Variants in SRRM4 observed in about 807,000 individuals in gnomAD.
SRRM4 encodes the protein serine/arginine repetitive matrix 4.
A neutral mutation model predicts 68.9 loss-of-function variants in SRRM4; 33 were observed. That is an observed-to-expected ratio of 0.48 (90% CI 0.36 to 0.64). SRRM4 has a LOEUF of 0.64. Among genes scored for constraint, SRRM4 ranks in the 30% least tolerant of loss-of-function variants. The pLI, the probability that SRRM4 is intolerant of heterozygous loss-of-function variation, is 0.00. For missense variants in SRRM4, 817 were observed against 827.1 expected (o/e 0.99, Z 0.15); for synonymous variants, 318 against 318.8 (o/e 1.00, Z 0.03).
At chr12:119,045,099 G>A (rs1953697010) in intron 1 of SRRM4, among the ~76,000 whole-genome samples, 1 of 152,168 alleles carries the variant, frequency 6.6e-6, no homozygotes, top group African/African-American at 2.4e-5. Context: ...CTCATTGTTA[G>A]TGTCATCGCT....
At chr12:119,061,915 C>A (rs1241001695) in intron 1 of SRRM4, among the ~76,000 whole-genome samples, 1 of 152,024 alleles carries the variant, frequency 6.6e-6, no homozygotes, top group South Asian at 2.1e-4. Context: ...GAAAAAATAT[C>A]CCACCTCCAT....
chr12:119,018,457 G>A (rs1953495156), intron 1 of SRRM4, among the ~76,000 whole-genome samples: 1 of 152,116 alleles, frequency 6.6e-6, no homozygotes, highest in Admixed American at 6.5e-5. Context: ...AATAAAGGAA[G>A]TTTCAGTGTT....
intron 7 of SRRM4, among the ~76,000 whole-genome samples, chr12:119,126,014 CTTTTTTTTTTT>C (rs34680171): frequency 2.8e-5 from 2 of 71,134 alleles, no homozygotes; most frequent in East Asian, 5.4e-4. Flanking sequence ...ATACTAGCTG[CTTTTTTTTTTT>C]TTTTTTTTTT....
At chr12:119,130,016 C>G (rs7960426) in intron 7 of SRRM4, among the ~76,000 whole-genome samples, 102,912 of 145,270 alleles carry the variant, frequency 0.71, 35,485 homozygotes, top group Middle Eastern at 0.77. Flanking sequence ...TGGATGAATG[C>G]ATAGATGGTT....
At chr12:119,121,614 C>T (rs531999305) in intron 5 of SRRM4, among the ~76,000 whole-genome samples, 3 of 152,198 alleles carry the variant, frequency 2.0e-5, no homozygotes, top group Non-Finnish European at 4.4e-5. Flanking sequence ...TGGCCACATC[C>T]TAGCTCACCT....
chr12:118,988,886 G>A (rs779291498), intron 1 of SRRM4, among the ~76,000 whole-genome samples: 45 of 152,200 alleles, frequency 3.0e-4, no homozygotes, highest in Non-Finnish European at 6.2e-4. Context: ...ATCCCTGAGT[G>A]AAGGGAGAGG....
intron 1 of SRRM4, among the ~76,000 whole-genome samples, chr12:119,070,074 A>G (rs1435900186): frequency 6.6e-6 from 1 of 152,152 alleles, no homozygotes; most frequent in Non-Finnish European, 1.5e-5. Context: ...CTTGCTTCCA[A>G]TCTTGATCCT....
intron 2 of SRRM4, 49 bp downstream of exon 2, chr12:119,102,431 G>A: frequency 2.0e-6 from 3 of 1,492,066 alleles, no homozygotes; most frequent in South Asian, 1.3e-5. Flanking sequence ...AATAAAGTCT[G>A]CCTCTCTGGC....
intron 1 of SRRM4, among the ~76,000 whole-genome samples, chr12:119,016,525 G>T (rs374451516): frequency 6.6e-6 from 1 of 151,176 alleles, no homozygotes; most frequent in South Asian, 2.1e-4. Flanking sequence ...TTCTAATCAA[G>T]AATTATGAAA....
intron 1 of SRRM4, among the ~76,000 whole-genome samples, chr12:119,018,259 T>A (rs1427205459): frequency 6.6e-6 from 1 of 152,104 alleles, no homozygotes; most frequent in African/African-American, 2.4e-5. Flanking sequence ...AACGAGTAGG[T>A]GATTGGTGGA....
At chr12:119,063,281 T>C (rs1228205472) in intron 1 of SRRM4, among the ~76,000 whole-genome samples, 1 of 152,194 alleles carries the variant, frequency 6.6e-6, no homozygotes, top group African/African-American at 2.4e-5. Flanking sequence ...TTATTGTGCA[T>C]TTATTAGTAA....
intron 1 of SRRM4, among the ~76,000 whole-genome samples, chr12:119,028,203 A>C (rs111757411): frequency 3.7e-4 from 56 of 152,300 alleles, no homozygotes; most frequent in Middle Eastern, 3.4e-3. Flanking sequence ...CAATGCCTTA[A>C]AATAACTCTG....
At chr12:119,039,060 G>C (rs1489043039) in intron 1 of SRRM4, among the ~76,000 whole-genome samples, 1 of 152,196 alleles carries the variant, frequency 6.6e-6, no homozygotes, top group Non-Finnish European at 1.5e-5. Flanking sequence ...ATCTGGGATG[G>C]GACTGGGTTC....
At position 119,114,371 on chromosome 12, in the gene SRRM4, G is replaced by C. The variant is rs1380377997; in HGVS notation, c.365+7G>C. 3.8e-6 allele frequency: 6 copies of C among 1,599,274 alleles called. No individual in the cohort carries two copies. The East Asian group carries it at 1.1e-4, about 30-fold the overall frequency. The stretch of plus-strand genomic sequence containing the variant: ...CTCGGAAGAAGAGAAGGAGGTAAGA[G>C]CACCAAGAGGGAGATAAAACCTGTA... On this transcript the variant is annotated splice_region_variant and intron_variant, in intron 3 of 12. Coordinates refer to ENST00000267260, the MANE Select transcript of SRRM4 (RefSeq NM_194286.4).
intron 7 of SRRM4, among the ~76,000 whole-genome samples, chr12:119,128,967 A>G (rs1357629377): frequency 6.6e-6 from 1 of 152,160 alleles, no homozygotes; most frequent in East Asian, 1.9e-4. Context: ...GCAAACTGAG[A>G]GCTGGCACGC....
chr12:119,066,287 C>G (rs1953845452), intron 1 of SRRM4, among the ~76,000 whole-genome samples: 1 of 151,090 alleles, frequency 6.6e-6, no homozygotes, highest in Non-Finnish European at 1.5e-5. Flanking sequence ...ACACAACAAA[C>G]TCACAGTGTT....
chr12:119,044,693 G>C (rs918535074), intron 1 of SRRM4, among the ~76,000 whole-genome samples: 3 of 152,120 alleles, frequency 2.0e-5, no homozygotes, highest in Non-Finnish European at 2.9e-5. Context: ...GGGCTGCTGG[G>C]AGGAACCAGG....
intron 1 of SRRM4, among the ~76,000 whole-genome samples, chr12:119,016,648 C>T (rs1953483727): frequency 6.6e-6 from 1 of 152,200 alleles, no homozygotes; most frequent in South Asian, 2.1e-4. Context: ...GATCCCTGTT[C>T]CATATTCTCC....
chr12:119,125,764 A>G (rs12812410), intron 7 of SRRM4, among the ~76,000 whole-genome samples: 4 of 151,514 alleles, frequency 2.6e-5, no homozygotes, highest in Admixed American at 6.6e-5. Flanking sequence ...TACTAAAAAT[A>G]CAAAAAATTA....
Sources: gnomAD v4.1 joint callset for allele counts (sites outside exome capture counted in the v4.1 genomes callset) on GRCh38, gnomAD v4.1.1 for gene constraint, MANE v1.5 for transcripts, NCBI Gene and HGNC (gene_info 2026-07-23, HGNC 2026-07-21) for gene names.